ATP13A4: variants seen among roughly 807,000 people sequenced by gnomAD.
The protein encoded by ATP13A4 is ATPase 13A4.
A neutral mutation model predicts 142.5 loss-of-function variants in ATP13A4; 114 were observed. That is an observed-to-expected ratio of 0.80 (90% confidence interval 0.69 to 0.93). The LOEUF (loss-of-function observed/expected upper bound fraction) is 0.93. Among genes scored for constraint, ATP13A4 ranks in the 40% least tolerant of loss-of-function variants. The pLI is 0.00. For missense variants in ATP13A4, 1,392 were observed against 1,454.0 expected, an observed-to-expected ratio of 0.96 and a Z score of 0.69; for synonymous variants, 488 against 514.8, an observed-to-expected ratio of 0.95 and a Z score of 0.70.
intron 1 of ATP13A4, among the ~76,000 whole-genome samples, chr3:193,591,428 T>C (rs1433957528): frequency 6.6e-6 from 1 of 152,238 alleles, no homozygotes; most frequent in East Asian, 1.9e-4. Flanking sequence ...ATGGTTGCAG[T>C]TTATTATACA....
chr3:193,409,930 T>C (rs765104303), intron 28 of ATP13A4, among the ~76,000 whole-genome samples: 12 of 152,192 alleles, frequency 7.9e-5, no homozygotes, highest in Non-Finnish European at 1.6e-4. Flanking sequence ...AGATACACTG[T>C]TGGACCTCAT....
At chr3:193,485,178 A>T (rs1577012354) in intron 7 of ATP13A4, among the ~76,000 whole-genome samples, 1 of 151,382 alleles carries the variant, frequency 6.6e-6, no homozygotes, top group Non-Finnish European at 1.5e-5. Flanking sequence ...AAAGCAAAAA[A>T]AGAGTATGTT....
At chr3:193,479,970 T>C (rs1159248938) in intron 8 of ATP13A4, among the ~76,000 whole-genome samples, 1 of 152,080 alleles carries the variant, frequency 6.6e-6, no homozygotes, top group African/African-American at 2.4e-5. Context: ...GCCAAACACT[T>C]ACAGCCAACT....
At chr3:193,586,227 A>G (rs1328056064) in intron 1 of ATP13A4, among the ~76,000 whole-genome samples, 1 of 152,140 alleles carries the variant, frequency 6.6e-6, no homozygotes. Context: ...TATATCCTGA[A>G]TATAAATCCT....
chr3:193,561,555 T>C (rs547003680), intron 2 of ATP13A4, among the ~76,000 whole-genome samples: 1 of 152,330 alleles, frequency 6.6e-6, no homozygotes, highest in African/African-American at 2.4e-5. Context: ...TTGTGTACTG[T>C]ACATGTCGTT....
chr3:193,585,774 C>T (rs1332071050), intron 1 of ATP13A4, among the ~76,000 whole-genome samples: 4 of 151,984 alleles, frequency 2.6e-5, no homozygotes, highest in Non-Finnish European at 4.4e-5. Flanking sequence ...TTTCAATTAC[C>T]GTGAAAAAGT....
chr3:193,522,902 A>G (rs922506093), intron 1 of ATP13A4, among the ~76,000 whole-genome samples: 1 of 152,214 alleles, frequency 6.6e-6, no homozygotes, highest in Non-Finnish European at 1.5e-5. Flanking sequence ...TGATGTCTTT[A>G]GTATAATAAT....
chr3:193,514,586 C>A, intron 2 of ATP13A4, 112 bp downstream of exon 2: 1 of 1,393,456 alleles, frequency 7.2e-7, no homozygotes, highest in Non-Finnish European at 1.0e-6. Context: ...GAACCAAAGA[C>A]TGGAGCCTCC....
At chr3:193,412,127 GT>G in intron 27 of ATP13A4, 50 bp downstream of exon 27, 1 of 1,498,824 alleles carries the variant, frequency 6.7e-7, no homozygotes, top group Non-Finnish European at 9.3e-7. Flanking sequence ...GGACATGTCT[GT>G]TCCCCTCTCT....
intron 13 of ATP13A4, among the ~76,000 whole-genome samples, 179 bp downstream of exon 13, chr3:193,462,583 G>T (rs2108640582): frequency 6.6e-6 from 1 of 152,298 alleles, no homozygotes; most frequent in East Asian, 1.9e-4. Flanking sequence ...GGGGAAATGT[G>T]TGTGTTTTAG....
intron 8 of ATP13A4, among the ~76,000 whole-genome samples, chr3:193,477,572 A>G (rs1051656016): frequency 1.3e-5 from 2 of 152,138 alleles, no homozygotes; most frequent in Non-Finnish European, 2.9e-5. Context: ...AAAATATATG[A>G]AACAATGGGT....
chr3:193,463,872 TA>T (rs1311939304), intron 12 of ATP13A4, among the ~76,000 whole-genome samples: 1 of 152,158 alleles, frequency 6.6e-6, no homozygotes, highest in Non-Finnish European at 1.5e-5. Context: ...GATATTCCAA[TA>T]ACTATAAAAT....
intron 18 of ATP13A4, among the ~76,000 whole-genome samples, chr3:193,444,910 C>T (rs1224312297): frequency 6.6e-6 from 1 of 152,204 alleles, no homozygotes; most frequent in Non-Finnish European, 1.5e-5. Context: ...TTCCTCCATG[C>T]TCCACAGCAG....
intron 2 of ATP13A4, among the ~76,000 whole-genome samples, chr3:193,507,860 C>G (rs1406374751): frequency 6.6e-6 from 1 of 151,998 alleles, no homozygotes; most frequent in Non-Finnish European, 1.5e-5. Flanking sequence ...ATCATCAGCC[C>G]CGGTTAACAG....
intron 3 of ATP13A4, among the ~76,000 whole-genome samples, chr3:193,494,882 G>A (rs1218523806): frequency 6.6e-6 from 1 of 151,736 alleles, no homozygotes; most frequent in African/African-American, 2.4e-5. Flanking sequence ...GAAAAAAAGG[G>A]TAGACTCAAA....
At chr3:193,511,317 T>C (rs895045450) in intron 2 of ATP13A4, among the ~76,000 whole-genome samples, 1 of 152,200 alleles carries the variant, frequency 6.6e-6, no homozygotes, top group African/African-American at 2.4e-5. Context: ...GCACCAAAGC[T>C]GTTTTGAGTC....
intron 1 of ATP13A4, among the ~76,000 whole-genome samples, chr3:193,549,158 C>G (rs1723396288): frequency 6.6e-6 from 1 of 152,116 alleles, no homozygotes; most frequent in Non-Finnish European, 1.5e-5. Context: ...ACTATAACTT[C>G]TGAAGGGTAA....
At chr3:193,448,169 A>C in intron 18 of ATP13A4, 37 bp downstream of exon 18, 2 of 1,612,034 alleles carry the variant, frequency 1.2e-6, no homozygotes, top group Non-Finnish European at 1.7e-6. Context: ...TTCCACATCA[A>C]ATTCTTACTG....
At chr3:193,578,339 A>G (rs906399800) in intron 2 of ATP13A4, among the ~76,000 whole-genome samples, 4 of 134,094 alleles carry the variant, frequency 3.0e-5, no homozygotes, top group African/African-American at 1.1e-4. Context: ...ATCTATATCT[A>G]TATCTATCTA....
Sources: gnomAD v4.1 joint callset for allele counts (sites outside exome capture counted in the v4.1 genomes callset) on GRCh38, gnomAD v4.1.1 for gene constraint, MANE v1.5 for transcripts, NCBI Gene and HGNC (gene_info 2026-07-23, HGNC 2026-07-21) for gene names.